The following LRP1B variants were observed in gnomAD, a reference collection of about 807,000 sequenced individuals.
The protein encoded by LRP1B is low-density lipoprotein receptor-related protein 1B.
In LRP1B, 217 loss-of-function variants were observed where a neutral mutation model predicts 556.6. That is an observed-to-expected ratio of 0.39 (90% confidence interval 0.35 to 0.44). LRP1B has a LOEUF of 0.44. Among genes scored for constraint, LRP1B ranks in the 20% least tolerant of loss-of-function variants. The probability of loss-of-function intolerance (pLI) is 1.00; values close to 1 mark genes in which losing one functional copy is unlikely to be tolerated. For synonymous variants in LRP1B, 2,047 were observed against 1,865.8 expected (o/e 1.10, Z -2.50); for missense variants, 5,053 against 5,620.8 (o/e 0.90, Z 3.23).
At chr2:140,259,479 T>A (rs1681837027) in intron 86 of LRP1B, among the ~76,000 whole-genome samples, 1 of 152,016 alleles carries the variant, frequency 6.6e-6, no homozygotes, top group African/African-American at 2.4e-5. Flanking sequence ...AGAATCATAG[T>A]AAAATAAATC....
intron 1 of LRP1B, among the ~76,000 whole-genome samples, chr2:141,941,769 G>A (rs1343457883): frequency 6.6e-6 from 1 of 152,114 alleles, no homozygotes; most frequent in East Asian, 1.9e-4. Flanking sequence ...AGTCATTAGT[G>A]TGTTTTAGAT....
intron 41 of LRP1B, among the ~76,000 whole-genome samples, chr2:140,620,856 T>C (rs545164120): frequency 3.6e-4 from 55 of 152,256 alleles, no homozygotes; most frequent in Non-Finnish European, 6.3e-4. Context: ...GATATAACAA[T>C]TATCCTGAAC....
intron 7 of LRP1B, among the ~76,000 whole-genome samples, chr2:141,150,245 G>C (rs1701887805): frequency 6.6e-6 from 1 of 152,194 alleles, no homozygotes; most frequent in Non-Finnish European, 1.5e-5. Flanking sequence ...ACTTGTCAGT[G>C]CTCTTAACCA....
intron 66 of LRP1B, among the ~76,000 whole-genome samples, chr2:140,400,910 G>A (rs917037456): frequency 6.6e-6 from 1 of 152,214 alleles, no homozygotes; most frequent in Non-Finnish European, 1.5e-5. Context: ...AGCTGGAACT[G>A]ATTTAGAGAG....
intron 2 of LRP1B, among the ~76,000 whole-genome samples, chr2:141,672,940 C>A (rs981677279): frequency 2.6e-5 from 4 of 152,180 alleles, no homozygotes; most frequent in African/African-American, 9.7e-5. Context: ...CTGTGCCACT[C>A]TACCAAGCCC....
chr2:141,853,695 T>TA (rs368027114), intron 1 of LRP1B, among the ~76,000 whole-genome samples: 24 of 151,716 alleles, frequency 1.6e-4, no homozygotes, highest in African/African-American at 5.8e-4. Flanking sequence ...AATGAACTGA[T>TA]AAAAAAAATA....
chr2:141,566,018 G>A (rs576695373), intron 2 of LRP1B, among the ~76,000 whole-genome samples: 1 of 151,930 alleles, frequency 6.6e-6, no homozygotes, highest in Non-Finnish European at 1.5e-5. Context: ...AAAGGTGCAA[G>A]GAATGACCTT....
At chr2:140,959,073 G>A (rs919105017) in intron 18 of LRP1B, among the ~76,000 whole-genome samples, 1 of 119,928 alleles carries the variant, frequency 8.3e-6, no homozygotes, top group East Asian at 2.5e-4. Flanking sequence ...TTTTTTTTTT[G>A]TAAGTCTATT....
At chr2:141,171,962 G>T (rs940815597) in intron 7 of LRP1B, among the ~76,000 whole-genome samples, 1 of 152,014 alleles carries the variant, frequency 6.6e-6, no homozygotes, top group African/African-American at 2.4e-5. Context: ...GACCCCATCA[G>T]AACTATAAAT....
Position 141,835,565 on chromosome 2 carries a change from T to C in LRP1B, c.83-25164A>G, listed in dbSNP as rs951363710. The stretch of plus-strand genomic sequence containing the variant: ...AATTGCCTAGAAAGCAAGAAAAAGA[T>C]ATAAATAGAAGAGAGGTTGAATAAG... On this transcript the variant is annotated intron_variant, in intron 1 of 90. Coordinates refer to ENST00000389484, the MANE Select transcript of LRP1B (RefSeq NM_018557.3). 7.2e-5 allele frequency among the ~76,000 whole-genome samples: 11 copies of C among 151,936 alleles called. 1 individual carries two copies. In the South Asian group the frequency reaches 1.9e-3, roughly 26 times the overall value.
chr2:141,362,835 T>C (rs1383584088), intron 3 of LRP1B, among the ~76,000 whole-genome samples: 7 of 150,848 alleles, frequency 4.6e-5, no homozygotes, highest in Admixed American at 4.6e-4. Context: ...AAAAAAAAAC[T>C]TAACGTAATG....
At chr2:140,725,878 T>A (rs1205997836) in intron 35 of LRP1B, among the ~76,000 whole-genome samples, 1 of 152,030 alleles carries the variant, frequency 6.6e-6, no homozygotes, top group African/African-American at 2.4e-5. Flanking sequence ...AAAGAAAAAC[T>A]CTTTCTAGCC....
chr2:141,479,141 T>A (rs1682820918), intron 3 of LRP1B, among the ~76,000 whole-genome samples: 1 of 152,180 alleles, frequency 6.6e-6, no homozygotes. Flanking sequence ...ACAGCCTACC[T>A]GTAGTCTCTC....
chr2:141,859,791 A>G (rs1380877518), intron 1 of LRP1B, among the ~76,000 whole-genome samples: 4 of 152,112 alleles, frequency 2.6e-5, no homozygotes, highest in African/African-American at 9.7e-5. Flanking sequence ...CCAAAAGTAT[A>G]TTTTCAGTAT....
intron 23 of LRP1B, among the ~76,000 whole-genome samples, chr2:140,897,228 G>T (rs776030117): frequency 2.0e-5 from 3 of 152,098 alleles, no homozygotes; most frequent in Non-Finnish European, 4.4e-5. Context: ...CTAGAGTTTT[G>T]TTGGGGCTCA....
In LRP1B at chr2:140,952,918, C is replaced by A. The variant is rs144297014; in HGVS notation, c.2888-978G>T. 5.1e-3 allele frequency among the ~76,000 whole-genome samples: 773 copies of A among 152,214 alleles called. 7 individuals carry two copies. The highest frequency in any genetic ancestry group is 0.018 in the African/African-American group (729 of 41,538). On this transcript the variant is annotated intron_variant, in intron 18 of 90. Transcript: ENST00000389484. ...TTTATTTAAGTTGCTCAATATCAGA[C>A]CTTTAAGCTCAGGAGAATATGGATA...
intron 3 of LRP1B, among the ~76,000 whole-genome samples, chr2:141,427,486 G>A (rs1050754670): frequency 1.3e-5 from 2 of 152,146 alleles, no homozygotes; most frequent in African/African-American, 4.8e-5. Context: ...CAAAATTGCT[G>A]TCTTGATTTA....
chr2:140,962,297 T>TC (rs1334547618), intron 18 of LRP1B, among the ~76,000 whole-genome samples: 2 of 152,048 alleles, frequency 1.3e-5, no homozygotes, highest in African/African-American at 4.8e-5. Context: ...ACAACCACTA[T>TC]CCCCCATGCA....
chr2:141,515,256 C>T (rs1047907046), intron 2 of LRP1B, among the ~76,000 whole-genome samples: 9 of 150,990 alleles, frequency 6.0e-5, no homozygotes, highest in African/African-American at 1.5e-4. Flanking sequence ...GAGCCGAGAT[C>T]GCACCACTGC....
Sources: gnomAD v4.1 joint callset for allele counts (sites outside exome capture counted in the v4.1 genomes callset) on GRCh38, gnomAD v4.1.1 for gene constraint, MANE v1.5 for transcripts, NCBI Gene and HGNC (gene_info 2026-07-23, HGNC 2026-07-21) for gene names.